NPAS3: variants seen among roughly 807,000 people sequenced by gnomAD.
NPAS3 encodes the protein neuronal PAS domain-containing protein 3.
Under a neutral mutation model 73.1 loss-of-function variants are expected in NPAS3, and 14 were observed. The observed-to-expected ratio is 0.19, with a 90% CI of 0.13 to 0.30. The LOEUF (loss-of-function observed/expected upper bound fraction) is 0.30. Among genes scored for constraint, NPAS3 ranks in the 10% least tolerant of loss-of-function variants. The probability of loss-of-function intolerance (pLI) is 1.00; values close to 1 mark genes in which losing one functional copy is unlikely to be tolerated. For missense variants in NPAS3, 1,096 were observed against 1,250.0 expected (o/e 0.88, Z 1.86); for synonymous variants, 620 against 541.5 (o/e 1.14, Z -2.01).
chr14:33,051,115 A>G (rs2040687787), intron 1 of NPAS3, among the ~76,000 whole-genome samples: 1 of 149,398 alleles, frequency 6.7e-6, no homozygotes, highest in Non-Finnish European at 1.5e-5. Context: ...TCTACTAAAA[A>G]TACAAAAAAT....
intron 4 of NPAS3, among the ~76,000 whole-genome samples, chr14:33,408,837 A>G (rs2047785201): frequency 6.6e-6 from 1 of 152,110 alleles, no homozygotes; most frequent in African/African-American, 2.4e-5. Flanking sequence ...TATGGTGGTG[A>G]TGTTTCATAG....
Position 33,768,870 on chromosome 14 carries a change from T to C in NPAS3, c.853-5467T>C, listed in dbSNP as rs560929090. ...ATTAGAATCTAGGCTTATATATTTG[T>C]ATTCACCATCATTTTACATTCACCT... On this transcript the variant is annotated intron_variant, in intron 7 of 11. Transcript: ENST00000356141. Among the ~76,000 whole-genome samples, 8 of 152,362 alleles carry C rather than the reference T, an allele frequency of 5.3e-5. No individual in the cohort carries two copies. The South Asian group carries it at 1.7e-3, about 32-fold the overall frequency.
chr14:33,035,896 G>C (rs1417853047), intron 1 of NPAS3, among the ~76,000 whole-genome samples: 1 of 152,144 alleles, frequency 6.6e-6, no homozygotes, highest in Non-Finnish European at 1.5e-5. Flanking sequence ...GGCTTTCATA[G>C]AATTGTCACA....
At chr14:33,305,336 C>G (rs2042712825) in intron 3 of NPAS3, among the ~76,000 whole-genome samples, 1 of 151,990 alleles carries the variant, frequency 6.6e-6, no homozygotes, top group South Asian at 2.1e-4. Flanking sequence ...CGCCTAAATC[C>G]TTTAAGGCAA....
chr14:33,620,230 C>A (rs574040191), intron 5 of NPAS3, among the ~76,000 whole-genome samples: 2 of 152,288 alleles, frequency 1.3e-5, no homozygotes, highest in South Asian at 2.1e-4. Flanking sequence ...GACACAGATT[C>A]TAATTCATAA....
At chr14:33,053,493 C>T (rs2040781748) in intron 1 of NPAS3, among the ~76,000 whole-genome samples, 1 of 152,116 alleles carries the variant, frequency 6.6e-6, no homozygotes. Context: ...AGGCAGAAGC[C>T]ACAGTTTATA....
chr14:32,955,926 T>C (rs1027034504), intron 1 of NPAS3, among the ~76,000 whole-genome samples: 1 of 152,156 alleles, frequency 6.6e-6, no homozygotes, highest in Non-Finnish European at 1.5e-5. Context: ...CAAAATTGAA[T>C]TGTTTATATC....
At chr14:33,733,921 A>T in intron 6 of NPAS3, among the ~76,000 whole-genome samples, 1 of 152,206 alleles carries the variant, frequency 6.6e-6, no homozygotes, top group Non-Finnish European at 1.5e-5. Context: ...CAGACCACAG[A>T]TAGCAAGGTT....
At chr14:33,024,140 ATATGTG>A (rs1282339428) in intron 1 of NPAS3, among the ~76,000 whole-genome samples, 14 of 111,000 alleles carry the variant, frequency 1.3e-4, no homozygotes, top group African/African-American at 5.6e-4. Flanking sequence ...GTGTGTGTGT[ATATGTG>A]TGTGTGTGTG....
intron 2 of NPAS3, among the ~76,000 whole-genome samples, chr14:33,175,285 C>T (rs976055877): frequency 6.6e-6 from 1 of 151,962 alleles, no homozygotes; most frequent in African/African-American, 2.4e-5. Context: ...AGTGAAATAC[C>T]TATTCTGTGG....
intron 3 of NPAS3, among the ~76,000 whole-genome samples, chr14:33,295,651 G>A (rs2042266632): frequency 6.6e-6 from 1 of 152,212 alleles, no homozygotes; most frequent in Admixed American, 6.5e-5. Flanking sequence ...GAATAATTGA[G>A]ATTTGATTAT....
At chr14:33,535,719 G>A (rs769115708) in intron 4 of NPAS3, among the ~76,000 whole-genome samples, 3 of 152,048 alleles carry the variant, frequency 2.0e-5, no homozygotes, top group Admixed American at 6.6e-5. Flanking sequence ...TAATGAAGAC[G>A]AATTACTCTT....
chr14:33,776,521 TAAAAAAAA>T (rs552348267), intron 8 of NPAS3, among the ~76,000 whole-genome samples: 34 of 32,054 alleles, frequency 1.1e-3, no homozygotes, highest in African/African-American at 2.7e-3. Flanking sequence ...TTCTTCCTCT[TAAAAAAAA>T]AAAAAAAAAA....
At chr14:32,971,781 C>CAA (rs2037435916) in intron 1 of NPAS3, among the ~76,000 whole-genome samples, 1 of 152,098 alleles carries the variant, frequency 6.6e-6, no homozygotes, top group African/African-American at 2.4e-5. Context: ...TAATCATGGT[C>CAA]TCCAAACGGT....
At chr14:33,281,536 G>A (rs531664411) in intron 3 of NPAS3, among the ~76,000 whole-genome samples, 2 of 152,238 alleles carry the variant, frequency 1.3e-5, no homozygotes, top group Admixed American at 6.5e-5. Flanking sequence ...GGAGGCTGAG[G>A]CAGGAGAATC....
chr14:33,738,629 C>T (rs888431045), intron 7 of NPAS3, among the ~76,000 whole-genome samples: 2 of 152,166 alleles, frequency 1.3e-5, no homozygotes, highest in African/African-American at 4.8e-5. Context: ...CACCCCCTTC[C>T]TCAGGAAAGT....
chr14:33,707,059 G>C (rs1435134015), intron 6 of NPAS3, among the ~76,000 whole-genome samples: 2 of 152,138 alleles, frequency 1.3e-5, no homozygotes, highest in Non-Finnish European at 2.9e-5. Context: ...TGTAAGCTTG[G>C]GGGAGAGATA....
At chr14:33,290,518 A>G (rs1304737478) in intron 3 of NPAS3, among the ~76,000 whole-genome samples, 2 of 152,228 alleles carry the variant, frequency 1.3e-5, no homozygotes, top group African/African-American at 2.4e-5. Flanking sequence ...CATGTGCTTA[A>G]TGCCAGCAGG....
chr14:33,248,327 A>T (rs1349307287), intron 3 of NPAS3, among the ~76,000 whole-genome samples: 1 of 152,194 alleles, frequency 6.6e-6, no homozygotes, highest in Non-Finnish European at 1.5e-5. Flanking sequence ...GGTATGTTAA[A>T]CAGCCTCCAA....
Sources: allele counts gnomAD v4.1 joint callset (sites outside exome capture counted in the v4.1 genomes callset), GRCh38; gene constraint gnomAD v4.1.1; transcripts MANE v1.5; gene names NCBI Gene and HGNC (gene_info 2026-07-23, HGNC 2026-07-21).